Variants in RALYL observed in about 807,000 individuals in gnomAD.
RALYL encodes the protein RNA-binding Raly-like protein.
A neutral mutation model predicts 35.1 loss-of-function variants in RALYL; 29 were observed. The ratio of observed to expected loss-of-function variants is 0.83; its 90% CI spans 0.61 to 1.13. The LOEUF (loss-of-function observed/expected upper bound fraction) is 1.13. Among genes scored for constraint, RALYL ranks in the 50% most tolerant of loss-of-function variants. RALYL has a pLI of 0.00. For missense variants in RALYL, 359 were observed against 360.4 expected (o/e 1.00, Z 0.03); for synonymous variants, 120 against 127.6 (o/e 0.94, Z 0.40).
intron 1 of RALYL, among the ~76,000 whole-genome samples, chr8:84,232,486 TTAGA>T (rs1825594161): frequency 6.6e-6 from 1 of 152,090 alleles, no homozygotes; most frequent in Admixed American, 6.6e-5. Flanking sequence ...AAAATTTCAG[TTAGA>T]TAGGAGGAAG....
chr8:84,305,293 C>A (rs1426904187), intron 1 of RALYL, among the ~76,000 whole-genome samples: 1 of 152,138 alleles, frequency 6.6e-6, no homozygotes, highest in Non-Finnish European at 1.5e-5. Flanking sequence ...CTCATCTATA[C>A]CTCTAGCTTT....
At chr8:84,248,708 C>T (rs144155566) in intron 1 of RALYL, among the ~76,000 whole-genome samples, 18 of 152,174 alleles carry the variant, frequency 1.2e-4, no homozygotes, top group African/African-American at 4.3e-4. Flanking sequence ...GAGAATCTAT[C>T]ATATTGAATG....
intron 2 of RALYL, among the ~76,000 whole-genome samples, chr8:84,650,841 G>A (rs1367360767): frequency 6.6e-6 from 1 of 152,132 alleles, no homozygotes; most frequent in African/African-American, 2.4e-5. Context: ...AACAATGATA[G>A]ACTGGATTAA....
At chr8:84,429,218 G>T (rs1190260345) in intron 1 of RALYL, among the ~76,000 whole-genome samples, 1 of 152,142 alleles carries the variant, frequency 6.6e-6, no homozygotes, top group African/African-American at 2.4e-5. Context: ...CATTGCTTTT[G>T]TGAATAGACT....
At chr8:84,454,190 G>A (rs2049863393) in intron 1 of RALYL, among the ~76,000 whole-genome samples, 2 of 152,022 alleles carry the variant, frequency 1.3e-5, no homozygotes, top group South Asian at 4.1e-4. Context: ...GTAGGGCAGA[G>A]AGCATGGATG....
chr8:84,326,596 A>T (rs1169588961), intron 1 of RALYL, among the ~76,000 whole-genome samples: 1 of 152,208 alleles, frequency 6.6e-6, no homozygotes. Flanking sequence ...ATAACATTAT[A>T]CCAGCCCAAT....
chr8:84,568,063 T>A (rs1416358432), intron 2 of RALYL, among the ~76,000 whole-genome samples: 1 of 151,870 alleles, frequency 6.6e-6, no homozygotes, highest in Non-Finnish European at 1.5e-5. Flanking sequence ...TTTATTATTA[T>A]TATACTTTAG....
intron 1 of RALYL, among the ~76,000 whole-genome samples, chr8:84,402,061 C>A (rs1314650129): frequency 5.3e-5 from 8 of 152,122 alleles, no homozygotes; most frequent in Non-Finnish European, 2.9e-5. Context: ...GAATAATCTC[C>A]AAATGCAATG....
chr8:84,873,668 T>A (rs1469769290), intron 7 of RALYL, among the ~76,000 whole-genome samples: 1 of 152,156 alleles, frequency 6.6e-6, no homozygotes, highest in African/African-American at 2.4e-5. Flanking sequence ...GAGTCACAGT[T>A]GAAACTTTAT....
At chr8:84,426,972 C>A (rs759018507) in intron 1 of RALYL, among the ~76,000 whole-genome samples, 1 of 152,098 alleles carries the variant, frequency 6.6e-6, no homozygotes, top group Non-Finnish European at 1.5e-5. Flanking sequence ...GAAATCACCA[C>A]CTCATAAAGA....
chr8:84,718,323 T>A (rs1228162584), intron 2 of RALYL, among the ~76,000 whole-genome samples: 2 of 152,188 alleles, frequency 1.3e-5, no homozygotes, highest in East Asian at 3.8e-4. Flanking sequence ...CAACTTAAGG[T>A]TTTATTAGTT....
At position 84,806,580 on chromosome 8, in the gene RALYL, A is replaced by C. The variant is rs560526614; in HGVS notation, c.365+1778A>C. Among the ~76,000 whole-genome samples, 821 of 152,018 alleles carry C rather than the reference A, an allele frequency of 5.4e-3. 7 individuals carry two copies. The highest frequency in any genetic ancestry group is 0.018 in the African/African-American group (725 of 41,404). On this transcript the variant is annotated intron_variant, in intron 4 of 8. Coordinates refer to ENST00000521268, the MANE Select transcript of RALYL (RefSeq NM_173848.7). ...AAAATCTCTCCAAAAAAAAAAAAAA[A>C]TACTGTATCGCTCAGCCAATGCTCA...
At chr8:84,484,312 A>G (rs1277564393) in intron 1 of RALYL, among the ~76,000 whole-genome samples, 2 of 152,136 alleles carry the variant, frequency 1.3e-5, no homozygotes, top group Admixed American at 1.3e-4. Flanking sequence ...ATCTTCTCAG[A>G]GTTCTTGAAA....
At chr8:84,494,607 C>T (rs1198009644) in intron 1 of RALYL, among the ~76,000 whole-genome samples, 2 of 151,968 alleles carry the variant, frequency 1.3e-5, no homozygotes, top group African/African-American at 2.4e-5. Flanking sequence ...TTGAAGAGCT[C>T]CTTCATGTCC....
intron 2 of RALYL, among the ~76,000 whole-genome samples, chr8:84,550,518 A>G (rs1405179013): frequency 3.3e-5 from 5 of 151,956 alleles, no homozygotes; most frequent in African/African-American, 1.2e-4. Context: ...TTAACTACTA[A>G]TAATGAAAAG....
At chr8:84,290,025 T>C (rs1838447612) in intron 1 of RALYL, among the ~76,000 whole-genome samples, 1 of 152,218 alleles carries the variant, frequency 6.6e-6, no homozygotes, top group Admixed American at 6.5e-5. Context: ...AATTGCTATA[T>C]CTTAGTTTAA....
intron 1 of RALYL, among the ~76,000 whole-genome samples, chr8:84,220,535 G>A (rs905485388): frequency 3.3e-5 from 5 of 151,880 alleles, no homozygotes; most frequent in Non-Finnish European, 7.4e-5. Flanking sequence ...GAAGATTATG[G>A]TAAATGATAA....
chr8:84,835,997 A>G (rs978868022), intron 4 of RALYL, among the ~76,000 whole-genome samples: 2 of 152,138 alleles, frequency 1.3e-5, no homozygotes, highest in African/African-American at 4.8e-5. Flanking sequence ...AGAGATCTGT[A>G]TGTTACCTTG....
At chr8:84,516,603 A>G (rs546046526) in intron 1 of RALYL, among the ~76,000 whole-genome samples, 2 of 152,292 alleles carry the variant, frequency 1.3e-5, no homozygotes, top group African/African-American at 4.8e-5. Flanking sequence ...GCAAAGTTGT[A>G]TTTTTAATAT....
Sources: allele counts gnomAD v4.1 joint callset (sites outside exome capture counted in the v4.1 genomes callset), GRCh38; gene constraint gnomAD v4.1.1; transcripts MANE v1.5; gene names NCBI Gene and HGNC (gene_info 2026-07-23, HGNC 2026-07-21).